The following GLYR1 variants were observed in gnomAD, a reference collection of about 807,000 sequenced individuals.
GLYR1 encodes the protein cytokine-like nuclear factor N-PAC.
A neutral mutation model predicts 72.7 loss-of-function variants in GLYR1; 21 were observed. The observed-to-expected ratio is 0.29, with a 90% CI of 0.20 to 0.42. The LOEUF (loss-of-function observed/expected upper bound fraction) is 0.42. Among genes scored for constraint, GLYR1 ranks in the 10% least tolerant of loss-of-function variants. The probability of loss-of-function intolerance (pLI) is 1.00; values close to 1 mark genes in which losing one functional copy is unlikely to be tolerated. For missense variants in GLYR1, 594 were observed against 712.1 expected (o/e 0.83, Z 1.89); for synonymous variants, 392 against 270.2 (o/e 1.45, Z -4.42).
intron 3 of GLYR1, among the ~76,000 whole-genome samples, chr16:4,841,430 G>A (rs2085537774): frequency 1.6e-5 from 2 of 124,062 alleles, no homozygotes; most frequent in South Asian, 4.9e-4. Flanking sequence ...CGACCAGCCT[G>A]GGAAACATGG....
intron 3 of GLYR1, among the ~76,000 whole-genome samples, chr16:4,837,461 G>C (rs1174556009): frequency 1.3e-5 from 2 of 151,756 alleles, no homozygotes; most frequent in Non-Finnish European, 2.9e-5. Flanking sequence ...CATACATGTA[G>C]ATACTGTATA....
At chr16:4,826,466 A>C (rs1596356151) in intron 5 of GLYR1, among the ~76,000 whole-genome samples, 1 of 151,736 alleles carries the variant, frequency 6.6e-6, no homozygotes, top group Non-Finnish European at 1.5e-5. Context: ...AAAAGCAAGA[A>C]CTCTGCCAGT....
intron 5 of GLYR1, among the ~76,000 whole-genome samples, chr16:4,830,258 C>T (rs2084706577): frequency 7.0e-6 from 1 of 143,290 alleles, no homozygotes. Context: ...AAGGCTCTTA[C>T]TATGCTTCTC....
intron 5 of GLYR1, 121 bp downstream of exon 5, chr16:4,831,858 C>G: frequency 9.4e-6 from 13 of 1,389,676 alleles, no homozygotes; most frequent in Non-Finnish European, 1.2e-5. Flanking sequence ...GCACAGAATT[C>G]TGCTCCCACT....
At chr16:4,841,064 TAA>T (rs754232933) in intron 3 of GLYR1, among the ~76,000 whole-genome samples, 4 of 152,332 alleles carry the variant, frequency 2.6e-5, no homozygotes, top group Non-Finnish European at 4.4e-5. Flanking sequence ...CAAAGGAGTT[TAA>T]AAAGTTAAAA....
At chr16:4,838,981 G>A (rs1452647009) in intron 3 of GLYR1, among the ~76,000 whole-genome samples, 6 of 152,118 alleles carry the variant, frequency 3.9e-5, no homozygotes, top group Non-Finnish European at 8.8e-5. Flanking sequence ...TGACCTCCCA[G>A]GCTCAAGCGA....
chr16:4,808,210 T>G (rs2083110545), intron 15 of GLYR1, among the ~76,000 whole-genome samples: 3 of 129,228 alleles, frequency 2.3e-5, no homozygotes, highest in African/African-American at 3.1e-5. Flanking sequence ...CACTCCAGCC[T>G]GGGCAACAGA....
intron 15 of GLYR1, among the ~76,000 whole-genome samples, chr16:4,809,455 A>T (rs1431659259): frequency 6.6e-6 from 1 of 151,538 alleles, no homozygotes; most frequent in East Asian, 2.0e-4. Flanking sequence ...TACTAAAAAT[A>T]CAAAAAATTA....
intron 3 of GLYR1, among the ~76,000 whole-genome samples, chr16:4,843,015 A>G (rs1415752846): frequency 6.6e-6 from 1 of 152,172 alleles, no homozygotes; most frequent in African/African-American, 2.4e-5. Flanking sequence ...TGTGCACATC[A>G]TCTTATCTGA....
intron 9 of GLYR1, 105 bp downstream of exon 9, chr16:4,821,275 C>A: frequency 8.9e-7 from 1 of 1,118,728 alleles, no homozygotes; most frequent in Non-Finnish European, 1.4e-6. Flanking sequence ...CATTCAATGC[C>A]AGCAATGGCT....
intron 15 of GLYR1, among the ~76,000 whole-genome samples, chr16:4,806,469 G>C (rs1468264205): frequency 2.0e-5 from 3 of 151,532 alleles, no homozygotes; most frequent in Non-Finnish European, 4.4e-5. Context: ...CAATCCTCCT[G>C]CCTCACCTGC....
chr16:4,810,107 C>A (rs978876601), intron 15 of GLYR1, among the ~76,000 whole-genome samples: 1 of 151,916 alleles, frequency 6.6e-6, no homozygotes, highest in South Asian at 2.1e-4. Context: ...AACAAATTAA[C>A]ACGGATTAGT....
chr16:4,818,108 C>A (rs1350112157), intron 9 of GLYR1, among the ~76,000 whole-genome samples: 2 of 151,996 alleles, frequency 1.3e-5, no homozygotes, highest in African/African-American at 4.8e-5. Context: ...GATTCTCCTG[C>A]CTCAGCTTTC....
intron 4 of GLYR1, 118 bp from the exon 5 acceptor site, chr16:4,832,339 C>A: frequency 8.1e-7 from 1 of 1,230,944 alleles, no homozygotes; most frequent in Non-Finnish European, 1.1e-6. Context: ...TCACAATGAC[C>A]CTAGAAATAG....
In GLYR1 at chr16:4,832,779, C is replaced by A; in HGVS notation, c.289G>T (p.Asp97Tyr). The A allele has an allele frequency of 6.2e-7, 1 of 1,608,750 alleles. No individual in the cohort carries two copies. The highest frequency in any genetic ancestry group is 8.5e-7 in the Non-Finnish European group (1 of 1,177,384). Residue 97 changes from aspartate to tyrosine, a missense_variant, in exon 4 of 16, where the codon GAC becomes TAC. Around this residue, in one of 5 missense-constraint regions of GLYR1, gnomAD observed 252 missense variants for 211.3 expected, o/e 1.19. Coordinates refer to ENST00000321919, the MANE Select transcript of GLYR1 (RefSeq NM_032569.4). ...EEFLRRAKGK[D>Y]QTSSHNSSDD... is the part of the protein sequence containing the mutation. ...GTGAACATTGTGTCTCTCACCTGGT[C>A]TTTCCCTTTGGCTCTCCTGAGGAAC...
chr16:4,834,679 T>C (rs2085022497), intron 3 of GLYR1, among the ~76,000 whole-genome samples: 1 of 151,914 alleles, frequency 6.6e-6, no homozygotes, highest in Admixed American at 6.6e-5. Context: ...TTGGCCAGGC[T>C]GGTCTTGAAC....
intron 5 of GLYR1, among the ~76,000 whole-genome samples, chr16:4,828,620 T>A (rs1412421150): frequency 6.6e-6 from 1 of 151,942 alleles, no homozygotes; most frequent in Non-Finnish European, 1.5e-5. Flanking sequence ...GCCTCTGGGG[T>A]TCTCACTGTA....
intron 5 of GLYR1, among the ~76,000 whole-genome samples, chr16:4,825,427 C>T (rs2084317099): frequency 6.6e-6 from 1 of 152,204 alleles, no homozygotes; most frequent in Admixed American, 6.5e-5. Flanking sequence ...ACAGTTATCT[C>T]CTTGGCTCAG....
chr16:4,816,668 A>G (rs2083659504), intron 10 of GLYR1, among the ~76,000 whole-genome samples: 1 of 151,788 alleles, frequency 6.6e-6, no homozygotes, highest in Non-Finnish European at 1.5e-5. Context: ...GTTAGTATTT[A>G]TTTTCTTCTG....
Sources: gnomAD v4.1 joint callset for allele counts (sites outside exome capture counted in the v4.1 genomes callset) on GRCh38, gnomAD v4.1.1 for gene constraint, gnomAD v4.1.1 regional missense constraint, MANE v1.5 for transcripts, NCBI Gene and HGNC (gene_info 2026-07-23, HGNC 2026-07-21) for gene names.